The following CEP89 variants were observed in gnomAD, a reference collection of about 807,000 sequenced individuals.
CEP89 encodes the protein centrosomal protein 89.
Under a neutral mutation model 97.6 loss-of-function variants are expected in CEP89, and 95 were observed. The ratio of observed to expected loss-of-function variants is 0.97; its 90% CI spans 0.82 to 1.15. CEP89 has a LOEUF of 1.15. Among genes scored for constraint, CEP89 ranks in the 50% most tolerant of loss-of-function variants. The pLI is 0.00. For missense variants in CEP89, 869 were observed against 947.7 expected, an observed-to-expected ratio of 0.92 and a Z score of 1.09; for synonymous variants, 354 against 349.1, an observed-to-expected ratio of 1.01 and a Z score of -0.16.
chr19:32,945,284 CAAAAAA>C (rs10709515), intron 5 of CEP89, among the ~76,000 whole-genome samples: 2 of 95,886 alleles, frequency 2.1e-5, no homozygotes, highest in Non-Finnish European at 2.1e-5. Flanking sequence ...AACTATGTTT[CAAAAAA>C]AAAAAAAAAA....
At chr19:32,963,121 C>T (rs894412818) in intron 2 of CEP89, among the ~76,000 whole-genome samples, 1 of 152,074 alleles carries the variant, frequency 6.6e-6, no homozygotes, top group African/African-American at 2.4e-5. Context: ...TTTGGGAGGC[C>T]GAGGCGGGTG....
At chr19:32,945,284 C>CAAAAAA (rs10709515) in intron 5 of CEP89, among the ~76,000 whole-genome samples, 1 of 95,886 alleles carries the variant, frequency 1.0e-5, no homozygotes, top group Non-Finnish European at 2.1e-5. Context: ...AACTATGTTT[C>CAAAAAA]AAAAAAAAAA....
chr19:32,936,362 C>T lies in CEP89; in HGVS notation c.667+1269G>A, dbSNP rs1319462079. ...GGTGCTGAGGATGGCTCTGCACTGG[C>T]CTGCAGTTGCCCCTTGGTGTGAGCA... On this transcript the variant is annotated intron_variant, in intron 7 of 18. Transcript: ENST00000305768. This position sits in a 1 kb window ranked among gnomAD's most constrained non-coding sequence, Gnocchi z 4.5. Among the ~76,000 whole-genome samples, 1 of 152,158 alleles carries T rather than the reference C, an allele frequency of 6.6e-6. No homozygotes were observed. The highest frequency in any genetic ancestry group is 1.5e-5 in the Non-Finnish European group (1 of 68,030).
intron 12 of CEP89, among the ~76,000 whole-genome samples, chr19:32,920,989 G>A (rs987719952): frequency 2.6e-5 from 4 of 151,680 alleles, no homozygotes; most frequent in Admixed American, 2.0e-4. Context: ...AGGCCGAGGC[G>A]GGCAGATCAC....
chr19:32,884,947 G>C (rs16967537), intron 17 of CEP89, among the ~76,000 whole-genome samples: 12,361 of 152,144 alleles, frequency 0.081, 1,567 homozygotes, highest in African/African-American at 0.27. Context: ...TTAGTCCCCT[G>C]TTTTTAGATC....
intron 10 of CEP89, 79 bp from the exon 11 acceptor site, chr19:32,926,352 T>C: frequency 1.0e-6 from 1 of 996,766 alleles, no homozygotes; most frequent in East Asian, 2.4e-5. Context: ...TGGCAAGAAG[T>C]TATACTTTTT....
chr19:32,917,755 G>A (rs1970157744), intron 13 of CEP89: 14 of 978,664 alleles, frequency 1.4e-5, no homozygotes, highest in East Asian at 1.1e-4. Flanking sequence ...GGACACTCTC[G>A]GAAGGTGTTT....
intron 14 of CEP89, among the ~76,000 whole-genome samples, chr19:32,903,606 A>G (rs1156301122): frequency 6.6e-6 from 1 of 152,222 alleles, no homozygotes; most frequent in Non-Finnish European, 1.5e-5. Flanking sequence ...TGGGACTAAC[A>G]GCAGATTAGA....
At chr19:32,953,943 A>C in intron 3 of CEP89, 142 bp from the exon 4 acceptor site, 1 of 595,808 alleles carries the variant, frequency 1.7e-6, no homozygotes, top group Non-Finnish European at 2.9e-6. Flanking sequence ...ATCTCGGCTC[A>C]CTGCAAGCTC....
intron 9 of CEP89, among the ~76,000 whole-genome samples, chr19:32,927,924 T>C (rs1286083744): frequency 2.0e-5 from 3 of 147,060 alleles, no homozygotes; most frequent in African/African-American, 5.0e-5. Flanking sequence ...TTTTTCTTTT[T>C]TTTTTTTTTT....
rs755119951 is a variant in CEP89, at chr19:32,901,280, C to T, written c.1698G>A (p.Leu566=). 3 of 1,613,560 alleles carry T rather than the reference C, an allele frequency of 1.9e-6. No homozygotes were observed. The Admixed American group carries it at 5.0e-5, about 27-fold the overall frequency. Residue 566 remains leucine, a synonymous_variant, in exon 15 of 19, where the codon CTG becomes CTA. Coordinates refer to ENST00000305768, the MANE Select transcript of CEP89 (RefSeq NM_032816.5). ...TCTGTGCTCGTTCAAGTTCGGCTTC[C>T]AGTGCTTTGTTTTGCTCTGTCAAAC... ...KNSLTEQNKA[L]EAELERAQKI...
chr19:32,938,542 CA>C lies in CEP89; in HGVS notation c.625-870del, dbSNP rs199616416. ...TTCTAATTTCTGCTGACAAAGTAGA[CA>C]AGGTTATAAATTAACTCTGCAGAGA... is the stretch of plus-strand genomic sequence containing the variant. On this transcript the variant is annotated intron_variant, in intron 6 of 18. Coordinates refer to ENST00000305768, the MANE Select transcript of CEP89 (RefSeq NM_032816.5). Among the ~76,000 whole-genome samples, 63 of 152,268 alleles carry C rather than the reference CA, an allele frequency of 4.1e-4. No individual in the cohort carries two copies. The East Asian group carries it at 0.012, about 29-fold the overall frequency.
intron 14 of CEP89, among the ~76,000 whole-genome samples, chr19:32,908,791 C>G (rs1261445730): frequency 6.6e-6 from 1 of 152,062 alleles, no homozygotes; most frequent in Non-Finnish European, 1.5e-5. Context: ...GCGCTCACAC[C>G]GGGGGAATGT....
chr19:32,889,707 C>T (rs931628463), intron 16 of CEP89, among the ~76,000 whole-genome samples: 10 of 152,156 alleles, frequency 6.6e-5, no homozygotes, highest in Non-Finnish European at 1.2e-4. Context: ...CCCCAGGGAC[C>T]GGGATTCCCT....
chr19:32,956,049 CTTTTTT>C (rs202179963), intron 3 of CEP89, among the ~76,000 whole-genome samples: 3 of 105,744 alleles, frequency 2.8e-5, no homozygotes, highest in African/African-American at 1.1e-4. Flanking sequence ...CAATTTGGTT[CTTTTTT>C]TTTTTTTTTT....
chr19:32,967,752 G>C (rs1275993734), intron 1 of CEP89, among the ~76,000 whole-genome samples: 2 of 152,198 alleles, frequency 1.3e-5, no homozygotes, highest in African/African-American at 2.4e-5. Context: ...TAGGAAGAGG[G>C]AACGGCATGA....
rs1555791794 is a variant in CEP89 at position 32,925,506 on chromosome 19, T to TTTTC, written c.1164+683_1164+684insGAAA. Among the ~76,000 whole-genome samples, 4 of 128,632 alleles carry TTTTC rather than the reference T, an allele frequency of 3.1e-5. 1 individual carries two copies. Among genetic ancestry groups the TTTTC allele is most frequent in the African/African-American group, 1.2e-4 (4 of 32,774 alleles). 84.4% of individuals were successfully genotyped at this position (128,632 alleles called of 152,430 possible). ...AGCCCTTTTTTTTTTTTTTTTTTTTTCGAGACGGAGTCTGGCCCCATCGCC... is the reference window on the plus strand; with the variant it reads ...AGCCCTTTTTTTTTTTTTTTTTTTTTTTTCCGAGACGGAGTCTGGCCCCATCGCC... On this transcript the variant is annotated intron_variant, in intron 11 of 18. Coordinates refer to ENST00000305768, the MANE Select transcript of CEP89 (RefSeq NM_032816.5).
chr19:32,897,772 TG>T (rs1207109184), intron 16 of CEP89, among the ~76,000 whole-genome samples: 2 of 152,112 alleles, frequency 1.3e-5, no homozygotes, highest in East Asian at 3.9e-4. Context: ...ATCTTGCCCA[TG>T]CTGGTCTCAA....
intron 5 of CEP89, among the ~76,000 whole-genome samples, chr19:32,943,712 G>A (rs1970736037): frequency 6.6e-6 from 1 of 152,030 alleles, no homozygotes; most frequent in Admixed American, 6.6e-5. Flanking sequence ...AGAGTAGCAT[G>A]TGCACAGGTC....
Sources: gnomAD v4.1 joint callset for allele counts (sites outside exome capture counted in the v4.1 genomes callset) on GRCh38, gnomAD v4.1.1 for gene constraint, Gnocchi (gnomAD v3.1) non-coding constraint, MANE v1.5 for transcripts, NCBI Gene and HGNC (gene_info 2026-07-23, HGNC 2026-07-21) for gene names.